Variants in NAA30 observed in about 807,000 individuals in gnomAD.
NAA30 encodes N-alpha-acetyltransferase 30.
A neutral mutation model predicts 31.4 loss-of-function variants in NAA30; 5 were observed. The observed-to-expected ratio is 0.16, with a 90% confidence interval of 0.08 to 0.33. The LOEUF (loss-of-function observed/expected upper bound fraction) is 0.33. Among genes scored for constraint, NAA30 ranks in the 10% least tolerant of loss-of-function variants. NAA30 has a pLI of 1.00. For synonymous variants in NAA30, 222 were observed against 207.1 expected (o/e 1.07, Z -0.62); for missense variants, 428 against 490.8 (o/e 0.87, Z 1.21).
rs1475584953 is a variant in NAA30 at position 57,415,195 on chromosome 14, G to A, written c.*5679G>A. The A allele has an allele frequency of 6.6e-6, 1 of 152,158 alleles. No individual in the cohort carries two copies. The highest frequency in any genetic ancestry group is 1.5e-5 in the Non-Finnish European group (1 of 68,028). The allele number at this position is 152,158 out of a possible 1,614,324, so 9.4% of individuals were successfully genotyped here. ...TGTGTAAAGACATTTGTTATTGGATGTGTTACATAGTAAATCAATTTGAAA... is the reference window on the plus strand; with the variant it reads ...TGTGTAAAGACATTTGTTATTGGATATGTTACATAGTAAATCAATTTGAAA... On this transcript the variant is annotated 3_prime_UTR_variant, in exon 5 of 5. Transcript: ENST00000556492.
At chr14:57,399,279 T>C (rs2066463770) in intron 3 of NAA30, among the ~76,000 whole-genome samples, 2 of 152,234 alleles carry the variant, frequency 1.3e-5, no homozygotes, top group Admixed American at 6.5e-5. Context: ...TTGCTAGACA[T>C]GTACAGACAC....
In NAA30 at chr14:57,391,156, A is replaced by G; in HGVS notation, c.199A>G (p.Lys67Glu). ...CGGAGAGTCGGCGACGGTGGCGGCC[A>G]AGGGGCATCCGTGCCTCCGCTGCCC... ...AGGESATVAA[K>E]GHPCLRCPQP... is the part of the protein sequence containing the mutation. Residue 67 changes from lysine (K) to glutamate (E), a missense_variant, in exon 2 of 5, where the codon AAG becomes GAG. Physicochemically the swap from Lys to Glu is moderately conservative, Grantham distance 56. Around this residue, in one of 2 missense-constraint regions of NAA30, gnomAD observed 349 missense variants for 310.4 expected, o/e 1.12. Coordinates refer to ENST00000556492, the MANE Select transcript of NAA30 (RefSeq NM_001011713.3). The surrounding 1 kb of genome is among the most constrained non-coding windows in gnomAD (Gnocchi z 4.1). 1 of 1,604,658 alleles carries G rather than the reference A, an allele frequency of 6.2e-7. No individual in the cohort carries two copies. Among genetic ancestry groups the G allele is most frequent in the African/African-American group, 1.3e-5 (1 of 74,862 alleles).
At chr14:57,403,082 G>T (rs1450674492) in intron 4 of NAA30, among the ~76,000 whole-genome samples, 1 of 152,086 alleles carries the variant, frequency 6.6e-6, no homozygotes, top group Non-Finnish European at 1.5e-5. Context: ...TCGGGAGGCT[G>T]AGGCAGGAGA....
intron 4 of NAA30, among the ~76,000 whole-genome samples, chr14:57,405,921 T>G (rs2066496549): frequency 6.6e-6 from 1 of 152,164 alleles, no homozygotes; most frequent in African/African-American, 2.4e-5. Context: ...TCGGTGGAAT[T>G]TCACTGTAAT....
In NAA30 at chr14:57,412,277, C is replaced by T. The variant is rs189022219; in HGVS notation, c.*2761C>T. Reference sequence around the variant, plus strand: ...TTTTCTGCCTCTTTCCCAAATTACCCTTCCCACTTGCTCGACAAATCTATG... The same window carrying T: ...TTTTCTGCCTCTTTCCCAAATTACCTTTCCCACTTGCTCGACAAATCTATG... On this transcript the variant is annotated 3_prime_UTR_variant, in exon 5 of 5. Coordinates refer to ENST00000556492, the MANE Select transcript of NAA30 (RefSeq NM_001011713.3). 2.6e-5 allele frequency: 4 copies of T among 152,220 alleles called. No homozygotes were observed. Among genetic ancestry groups the T allele is most frequent in the Non-Finnish European group, 5.9e-5 (4 of 67,992 alleles). The allele number at this position is 152,220 out of a possible 1,614,324, so 9.4% of individuals were successfully genotyped here. A position where few individuals can be genotyped will look rare whatever the true frequency, so the allele number is the denominator to read the frequency against.
chr14:57,415,263 G>A lies in NAA30; in HGVS notation c.*5747G>A, dbSNP rs1312876986. The A allele has an allele frequency of 6.6e-6, 1 of 152,130 alleles. No individual in the cohort carries two copies. Among genetic ancestry groups the A allele is most frequent in the Non-Finnish European group, 1.5e-5 (1 of 68,026 alleles). The allele number at this position is 152,130 out of a possible 1,614,324, so 9.4% of individuals were successfully genotyped here. On this transcript the variant is annotated 3_prime_UTR_variant, in exon 5 of 5. Transcript: ENST00000556492. ...TAAGACTTTTCTGGTCTCCTTGACC[G>A]AGGGATTTTAGTATAAGTATTTAGT...
Position 57,391,508 on chromosome 14 carries a change from T to A in NAA30, c.551T>A (p.Val184Glu). The A allele has an allele frequency of 6.2e-7, 1 of 1,612,716 alleles. No individual in the cohort carries two copies. The highest frequency in any genetic ancestry group is 8.5e-7 in the Non-Finnish European group (1 of 1,179,598). Reference sequence around the variant, plus strand: ...GAGGAGGAGGAGGAAGACGAGCAGGTGCGGCTGCTGTCTTCGTCCCTGACC... The same window carrying A: ...GAGGAGGAGGAGGAAGACGAGCAGGAGCGGCTGCTGTCTTCGTCCCTGACC... ...EQEEEEEDEQVRLLSSSLTAD... is the reference protein window; with the variant it reads ...EQEEEEEDEQERLLSSSLTAD... The change falls in exon 2 of 5, where the codon GTG becomes GAG. Residue 184 changes from valine (V) to glutamate (E), a missense_variant. Physicochemically the swap from Val to Glu is moderately radical, Grantham distance 121. Transcript: ENST00000556492. This position sits in a 1 kb window ranked among gnomAD's most constrained non-coding sequence, Gnocchi z 4.1.
At chr14:57,401,114 A>G (rs1247836454) in intron 4 of NAA30, among the ~76,000 whole-genome samples, 1 of 152,228 alleles carries the variant, frequency 6.6e-6, no homozygotes, top group East Asian at 1.9e-4. Context: ...GTTTTTAAAA[A>G]TACAAATGAA....
Position 57,390,810 on chromosome 14 carries a change from G to C in NAA30, c.-2+105G>C, listed in dbSNP as rs553745155. On this transcript the variant is annotated intron_variant, in intron 1 of 4. Transcript: ENST00000556492. ...CTGGGCGGCGCTGAAGAGCGGGGGGGTGGCGGGGAATTGGGGGGCAGCTCC... is the reference window on the plus strand; with the variant it reads ...CTGGGCGGCGCTGAAGAGCGGGGGGCTGGCGGGGAATTGGGGGGCAGCTCC... 860 of 733,974 alleles carry C rather than the reference G, an allele frequency of 1.2e-3. 10 individuals carry two copies. In the East Asian group the frequency reaches 0.028, roughly 24 times the overall value. 45.5% of individuals were successfully genotyped at this position (733,974 alleles called of 1,614,324 possible). A position where few individuals can be genotyped will look rare whatever the true frequency, so the allele number is the denominator to read the frequency against.
intron 2 of NAA30, among the ~76,000 whole-genome samples, chr14:57,396,288 T>A (rs115156514): frequency 0.017 from 2,610 of 152,346 alleles, 71 homozygotes; most frequent in African/African-American, 0.059. Context: ...ATTACTAAAT[T>A]TAACTGAATA....
chr14:57,403,798 G>A (rs1200170200), intron 4 of NAA30, among the ~76,000 whole-genome samples: 1 of 152,140 alleles, frequency 6.6e-6, no homozygotes, highest in Non-Finnish European at 1.5e-5. Flanking sequence ...AGTTTTCTAT[G>A]ATGTAGATTT....
chr14:57,396,125 C>T (rs1448358990), intron 2 of NAA30, among the ~76,000 whole-genome samples: 1 of 152,136 alleles, frequency 6.6e-6, no homozygotes, highest in African/African-American at 2.4e-5. Context: ...CAGGTGCATG[C>T]CACCACACCT....
At chr14:57,400,021 C>G in intron 4 of NAA30, 138 bp downstream of exon 4, 1 of 454,084 alleles carries the variant, frequency 2.2e-6, no homozygotes, top group South Asian at 4.4e-5. Flanking sequence ...AAATTATATT[C>G]CATTTAAAAA....
rs2066421976 is a variant in NAA30 at position 57,390,645 on chromosome 14, G to A, written c.-62G>A. The A allele has an allele frequency of 5.5e-6, 2 of 364,232 alleles. No individual in the cohort carries two copies. The highest frequency in any genetic ancestry group is 9.4e-5 in the Admixed American group (2 of 21,276). The allele number at this position is 364,232 out of a possible 1,614,324, so 22.6% of individuals were successfully genotyped here. A position where few individuals can be genotyped will look rare whatever the true frequency, so the allele number is the denominator to read the frequency against. ...TGTGGAGGCTGCCGCGGCTGCGAAG[G>A]AGGCGGCGGCGGTGGCGGAGGAAGA... On this transcript the variant is annotated 5_prime_UTR_variant, in exon 1 of 5. Transcript: ENST00000556492.
chr14:57,401,222 G>A (rs2066475737), intron 4 of NAA30, among the ~76,000 whole-genome samples: 1 of 152,100 alleles, frequency 6.6e-6, no homozygotes, highest in Non-Finnish European at 1.5e-5. Flanking sequence ...GAGATTTACT[G>A]CTGAGCATTC....
chr14:57,396,673 G>A, intron 2 of NAA30, 79 bp from the exon 3 acceptor site: 1 of 1,483,852 alleles, frequency 6.7e-7, no homozygotes, highest in African/African-American at 1.4e-5. Context: ...CTTACCAATG[G>A]TTGGTTGTTG....
Position 57,414,739 on chromosome 14 carries a change from TC to T in NAA30, c.*5224del, listed in dbSNP as rs1337613387. The T allele has an allele frequency of 6.6e-6, 1 of 152,042 alleles. No homozygotes were observed. The highest frequency in any genetic ancestry group is 2.4e-5 in the African/African-American group (1 of 41,440). 9.4% of individuals were successfully genotyped at this position (152,042 alleles called of 1,614,324 possible). ...TCGCTGGTCATCTGGTAAGTGTAGT[TC>T]ATCAAAAGAGCAGAAATAGGCATAG... On this transcript the variant is annotated 3_prime_UTR_variant, in exon 5 of 5. Transcript: ENST00000556492.
At chr14:57,394,048 T>C (rs946359591) in intron 2 of NAA30, among the ~76,000 whole-genome samples, 1 of 150,516 alleles carries the variant, frequency 6.6e-6, no homozygotes, top group African/African-American at 2.4e-5. Flanking sequence ...CCTTACAAAA[T>C]TGCCAATACT....
chr14:57,391,258 C>T lies in NAA30; in HGVS notation c.301C>T (p.Leu101Phe). 5 of 1,612,136 alleles carry T rather than the reference C, an allele frequency of 3.1e-6. No homozygotes were observed. The highest frequency in any genetic ancestry group is 4.2e-6 in the Non-Finnish European group (5 of 1,179,720). Residue 101 changes from leucine to phenylalanine, a missense_variant, in exon 2 of 5, where the codon CTC becomes TTC. By Grantham distance (22) the Leu-to-Phe change is conservative. Around this residue, in one of 2 missense-constraint regions of NAA30, gnomAD observed 349 missense variants for 310.4 expected, o/e 1.12. Coordinates refer to ENST00000556492, the MANE Select transcript of NAA30 (RefSeq NM_001011713.3). This position sits in a 1 kb window ranked among gnomAD's most constrained non-coding sequence, Gnocchi z 4.1. ...GCGGCACCTCCGGGCGGCCGCCTCC[C>T]TCAAGAGCAAGGTCCTGAGCGTAGC... ...ELRHLRAAAS[L>F]KSKVLSVAEV...
Sources: allele counts gnomAD v4.1 joint callset (sites outside exome capture counted in the v4.1 genomes callset), GRCh38; gene constraint gnomAD v4.1.1; regional missense constraint gnomAD v4.1.1; non-coding constraint Gnocchi (gnomAD v3.1); transcripts MANE v1.5; gene names NCBI Gene and HGNC (gene_info 2026-07-23, HGNC 2026-07-21).